Variants in PIGF observed in about 807,000 individuals in gnomAD.
The protein encoded by PIGF is GPI ethanolamine phosphate transferase, stabilizing subunit.
Under a neutral mutation model 26.0 loss-of-function variants are expected in PIGF, and 23 were observed. The observed-to-expected ratio is 0.88, with a 90% confidence interval of 0.64 to 1.25. The LOEUF (loss-of-function observed/expected upper bound fraction) is 1.25. Among genes scored for constraint, PIGF ranks in the 50% most tolerant of loss-of-function variants. PIGF has a pLI of 0.00. For missense variants in PIGF, 278 were observed against 249.9 expected, an observed-to-expected ratio of 1.11 and a Z score of -0.76; for synonymous variants, 93 against 92.6, an observed-to-expected ratio of 1.00 and a Z score of -0.03.
intron 1 of PIGF, 61 bp downstream of exon 1, chr2:46,616,909 A>G (rs991067269): frequency 2.3e-5 from 9 of 393,006 alleles, no homozygotes; most frequent in East Asian, 1.9e-4. Flanking sequence ...TGCTTCGGCA[A>G]TTCGCGGGGG....
intron 4 of PIGF, among the ~76,000 whole-genome samples, chr2:46,601,901 A>AAAGTGATCAACTTCTAACT (rs1670068913): frequency 6.6e-6 from 1 of 152,032 alleles, no homozygotes; most frequent in South Asian, 2.1e-4. Context: ...TAGTTCACCA[A>AAAGTGATCAACTTCTAACT]AAGTGATCAA....
At chr2:46,591,912 C>T (rs766935968) in intron 5 of PIGF, 1 of 1,303,756 alleles carries the variant, frequency 7.7e-7, no homozygotes, top group African/African-American at 1.5e-5. Flanking sequence ...CAAAAATTAC[C>T]TTGCTATCTG....
At chr2:46,614,663 T>G (rs1432575866) in intron 2 of PIGF, 1 of 250,260 alleles carries the variant, frequency 4.0e-6, no homozygotes, top group African/African-American at 2.2e-5. Flanking sequence ...CGTATTTATT[T>G]TCAATGGTGA....
intron 5 of PIGF, among the ~76,000 whole-genome samples, chr2:46,586,226 A>G (rs1669567647): frequency 6.6e-6 from 1 of 152,192 alleles, no homozygotes. Flanking sequence ...TTTTTCATAA[A>G]TTCGAAGAAA....
Position 46,581,128 on chromosome 2 carries a change from A to C in PIGF, c.*350T>G. 7.1e-7 allele frequency: 1 copy of C among 1,414,586 alleles called. No individual in the cohort carries two copies. The highest frequency in any genetic ancestry group is 9.5e-7 in the Non-Finnish European group (1 of 1,052,134). 87.6% of individuals were successfully genotyped at this position (1,414,586 alleles called of 1,614,324 possible). A position where few individuals can be genotyped will look rare whatever the true frequency, so the allele number is the denominator to read the frequency against. On this transcript the variant is annotated 3_prime_UTR_variant, in exon 6 of 6. Transcript: ENST00000281382. Reference sequence around the variant, plus strand: ...AGGAAACTGTCCATTTCTCTCAGAAAGCAAATGAAATGCTACAGCTATACC... The same window carrying C: ...AGGAAACTGTCCATTTCTCTCAGAACGCAAATGAAATGCTACAGCTATACC...
At position 46,591,609 on chromosome 2, in the gene PIGF, T is replaced by TA. The variant is rs1347541753; in HGVS notation, c.546+865dup. 7 of 947,630 alleles carry TA rather than the reference T, an allele frequency of 7.4e-6. No individual in the cohort carries two copies. The South Asian group carries it at 3.4e-4, about 46-fold the overall frequency. 58.7% of individuals were successfully genotyped at this position (947,630 alleles called of 1,614,324 possible). The stretch of plus-strand genomic sequence containing the variant: ...CACAGCAGTGTTTATTATCACAAAA[T>TA]ACTGGCAATAATCTAAATGATCAAT... On this transcript the variant is annotated intron_variant, in intron 5 of 5. Coordinates refer to ENST00000281382, the MANE Select transcript of PIGF (RefSeq NM_002643.4).
At chr2:46,599,853 C>A (rs940432466) in intron 4 of PIGF, among the ~76,000 whole-genome samples, 2 of 152,080 alleles carry the variant, frequency 1.3e-5, no homozygotes, top group Admixed American at 1.3e-4. Context: ...GGTTGTCATG[C>A]CGTTTCTTTT....
intron 5 of PIGF, chr2:46,591,438 CA>C (rs774583853): frequency 3.9e-6 from 2 of 515,386 alleles, no homozygotes; most frequent in Non-Finnish European, 5.0e-6. Flanking sequence ...AATAAATATA[CA>C]TTATCTTCGT....
At chr2:46,598,994 T>A (rs1669974523) in intron 4 of PIGF, among the ~76,000 whole-genome samples, 2 of 152,148 alleles carry the variant, frequency 1.3e-5, no homozygotes, top group South Asian at 4.1e-4. Context: ...AGTACCATTT[T>A]CCCTCGAAAG....
intron 5 of PIGF, chr2:46,591,622 C>A (rs2104076831): frequency 1.1e-6 from 1 of 941,480 alleles, no homozygotes; most frequent in East Asian, 1.2e-4. Flanking sequence ...TGGCAATAAT[C>A]TAAATGATCA....
intron 3 of PIGF, among the ~76,000 whole-genome samples, chr2:46,612,898 T>A (rs1670470947): frequency 6.6e-6 from 1 of 152,126 alleles, no homozygotes; most frequent in African/African-American, 2.4e-5. Context: ...AAACCACATT[T>A]TGAGAACCAC....
chr2:46,583,109 A>T (rs1669456026), intron 5 of PIGF: 1 of 152,058 alleles, frequency 6.6e-6, no homozygotes, highest in Non-Finnish European at 1.5e-5. Context: ...ACTATTACAC[A>T]TTTCCAACTT....
chr2:46,609,821 A>G (rs2104132148), intron 4 of PIGF, among the ~76,000 whole-genome samples: 1 of 152,324 alleles, frequency 6.6e-6, no homozygotes, highest in African/African-American at 2.4e-5. Flanking sequence ...GCCCCAAAAC[A>G]ATTACAAAAA....
intron 3 of PIGF, among the ~76,000 whole-genome samples, chr2:46,613,043 AAT>A (rs140332220): frequency 3.5e-4 from 52 of 148,302 alleles, no homozygotes; most frequent in African/African-American, 5.6e-4. Flanking sequence ...ACTATGTATA[AAT>A]ATATATATAT....
At chr2:46,599,116 T>C (rs550227529) in intron 4 of PIGF, among the ~76,000 whole-genome samples, 6 of 152,296 alleles carry the variant, frequency 3.9e-5, no homozygotes, top group Non-Finnish European at 1.5e-5. Flanking sequence ...AGATGTAGGA[T>C]TTCGTTTAAA....
Position 46,589,076 on chromosome 2 carries a change from A to G in PIGF, c.546+3399T>C, listed in dbSNP as rs538153145. Among the ~76,000 whole-genome samples, 78 of 152,254 alleles carry G rather than the reference A, an allele frequency of 5.1e-4. No homozygotes were observed. Among genetic ancestry groups the G allele is most frequent in the African/African-American group, 1.5e-3 (64 of 41,588 alleles). On this transcript the variant is annotated intron_variant, in intron 5 of 5. Coordinates refer to ENST00000281382, the MANE Select transcript of PIGF (RefSeq NM_002643.4). This position sits in a 1 kb window ranked among gnomAD's most constrained non-coding sequence, Gnocchi z 4.7. ...TTTTCTTGCTGAGATTTTAAGGCAA[A>G]TAAGGTAGAGGCAAGAAGATGACTT...
intron 4 of PIGF, among the ~76,000 whole-genome samples, chr2:46,594,143 C>A (rs772419247): frequency 1.3e-5 from 2 of 152,208 alleles, no homozygotes; most frequent in Non-Finnish European, 2.9e-5. Flanking sequence ...GAAGGAAAAA[C>A]TGGCCAAGTT....
chr2:46,588,161 G>A lies in PIGF; in HGVS notation c.546+4314C>T, dbSNP rs767252203. The A allele has an allele frequency of 1.1e-5, 17 of 1,612,390 alleles. No individual in the cohort carries two copies. The highest frequency in any genetic ancestry group is 1.1e-5 in the Non-Finnish European group (13 of 1,179,280). On this transcript the variant is annotated intron_variant, in intron 5 of 5. Transcript: ENST00000281382. The surrounding 1 kb of genome is among the most constrained non-coding windows in gnomAD (Gnocchi z 4.1). Reference sequence around the variant, plus strand: ...ACATGGAGAGATCTATAAGTGCTACGTTTTCTTTCTACTGTCATCTGAAAT... The same window carrying A: ...ACATGGAGAGATCTATAAGTGCTACATTTTCTTTCTACTGTCATCTGAAAT...
At chr2:46,607,428 C>T (rs1011406257) in intron 4 of PIGF, among the ~76,000 whole-genome samples, 1 of 152,144 alleles carries the variant, frequency 6.6e-6, no homozygotes, top group Non-Finnish European at 1.5e-5. Context: ...CAGAATAAAG[C>T]AAATTGTACA....
Sources: allele counts gnomAD v4.1 joint callset (sites outside exome capture counted in the v4.1 genomes callset), GRCh38; gene constraint gnomAD v4.1.1; non-coding constraint Gnocchi (gnomAD v3.1); transcripts MANE v1.5; gene names NCBI Gene and HGNC (gene_info 2026-07-23, HGNC 2026-07-21).